BARX2: variants seen among roughly 807,000 people sequenced by gnomAD.
BARX2 encodes the protein homeobox protein BarH-like 2.
In BARX2, 11 loss-of-function variants were observed where a neutral mutation model predicts 25.5. The ratio of observed to expected loss-of-function variants is 0.43; its 90% CI spans 0.27 to 0.71. BARX2 has a LOEUF of 0.71. BARX2 is among the 30% of genes least tolerant of loss of function. BARX2 has a pLI of 0.19. For synonymous variants in BARX2, 137 were observed against 149.5 expected, an observed-to-expected ratio of 0.92 and a Z score of 0.61; for missense variants, 360 against 359.9, an observed-to-expected ratio of 1.00 and a Z score of 0.00.
At chr11:129,419,882 G>A (rs1056161927) in intron 1 of BARX2, among the ~76,000 whole-genome samples, 3 of 152,070 alleles carry the variant, frequency 2.0e-5, no homozygotes, top group African/African-American at 7.2e-5. Flanking sequence ...CCGGGTTCAA[G>A]CGATTCTCAT....
intron 1 of BARX2, among the ~76,000 whole-genome samples, chr11:129,428,993 T>A (rs557890621): frequency 2.0e-5 from 3 of 147,250 alleles, no homozygotes; most frequent in Non-Finnish European, 4.4e-5. Context: ...TCACTATTAT[T>A]TATTAGAAGT....
chr11:129,450,701 A>C (rs1212428759), intron 3 of BARX2, among the ~76,000 whole-genome samples: 1 of 152,204 alleles, frequency 6.6e-6, no homozygotes, highest in African/African-American at 2.4e-5. Flanking sequence ...AGCCATGCAC[A>C]TTTTAAGGCT....
chr11:129,392,337 C>T (rs572407450), intron 1 of BARX2, among the ~76,000 whole-genome samples: 24 of 152,286 alleles, frequency 1.6e-4, no homozygotes, highest in African/African-American at 5.8e-4. Context: ...GCTGAAGAAC[C>T]CTTGAGATCT....
intron 3 of BARX2, 118 bp from the exon 4 acceptor site, chr11:129,451,018 C>G: frequency 7.5e-7 from 1 of 1,328,936 alleles, no homozygotes; most frequent in Non-Finnish European, 1.0e-6. Context: ...TTTGCCAAAT[C>G]CTGCAATTTC....
chr11:129,379,465 A>G lies in BARX2; in HGVS notation c.187+3243A>G, dbSNP rs550732569. Among the ~76,000 whole-genome samples, 90 of 152,286 alleles carry G rather than the reference A, an allele frequency of 5.9e-4. 2 individuals carry two copies. The South Asian group carries it at 0.016, about 27-fold the overall frequency. ...TGACCGTCATTACAAAGGCCAAAAG[A>G]GAGGTGCATTTTAGGATATCATAAA... On this transcript the variant is annotated intron_variant, in intron 1 of 3. Coordinates refer to ENST00000281437, the MANE Select transcript of BARX2 (RefSeq NM_003658.5).
In BARX2 at chr11:129,439,834, A is replaced by G. The variant is rs377667419; in HGVS notation, c.488+2783A>G. ...CCCAGTGGAGTGGGCACCTTTGTCTATGGTAGCACGGTGGTATGTCAGACG... is the reference window on the plus strand; with the variant it reads ...CCCAGTGGAGTGGGCACCTTTGTCTGTGGTAGCACGGTGGTATGTCAGACG... On this transcript the variant is annotated intron_variant, in intron 2 of 3. Transcript: ENST00000281437. Among the ~76,000 whole-genome samples, 26 of 152,280 alleles carry G rather than the reference A, an allele frequency of 1.7e-4. No homozygotes were observed. The East Asian group carries it at 2.5e-3, about 15-fold the overall frequency.
At chr11:129,398,702 C>T (rs769782247) in intron 1 of BARX2, among the ~76,000 whole-genome samples, 1 of 152,186 alleles carries the variant, frequency 6.6e-6, no homozygotes, top group African/African-American at 2.4e-5. Flanking sequence ...TCTGGTTCAT[C>T]CATCATTTGG....
intron 1 of BARX2, among the ~76,000 whole-genome samples, chr11:129,393,284 C>A (rs1215025515): frequency 1.3e-5 from 2 of 152,078 alleles, no homozygotes; most frequent in Admixed American, 6.6e-5. Flanking sequence ...CAAATCCGGT[C>A]CTGATCACCC....
intron 1 of BARX2, among the ~76,000 whole-genome samples, chr11:129,383,004 C>A (rs1413301398): frequency 6.6e-6 from 1 of 152,186 alleles, no homozygotes; most frequent in Non-Finnish European, 1.5e-5. Flanking sequence ...ACGGTAGTTT[C>A]TTTCCACAGC....
At chr11:129,416,430 T>C (rs1237234191) in intron 1 of BARX2, among the ~76,000 whole-genome samples, 1 of 152,216 alleles carries the variant, frequency 6.6e-6, no homozygotes, top group African/African-American at 2.4e-5. Context: ...ACAGAAACTT[T>C]CCCAGAAATT....
At chr11:129,433,346 C>T (rs1168455113) in intron 1 of BARX2, among the ~76,000 whole-genome samples, 10 of 152,216 alleles carry the variant, frequency 6.6e-5, no homozygotes, top group Admixed American at 5.2e-4. Context: ...GGCCTCCTCA[C>T]TGGTTTCTCT....
rs550140937 is a variant in BARX2, at chr11:129,441,070, G to A, written c.489-1765G>A. 8.9e-4 allele frequency among the ~76,000 whole-genome samples: 136 copies of A among 152,332 alleles called. 1 individual carries two copies. The highest frequency in any genetic ancestry group is 1.4e-3 in the Non-Finnish European group (96 of 68,032). On this transcript the variant is annotated intron_variant, in intron 2 of 3. Transcript: ENST00000281437. ...CAGTTGGTGCTGAGGTAGACCTGGG[G>A]TTCTTATCCTATTAGGTCAATGGTT...
intron 1 of BARX2, among the ~76,000 whole-genome samples, chr11:129,418,903 T>C (rs1196834860): frequency 6.6e-6 from 1 of 152,254 alleles, no homozygotes; most frequent in Non-Finnish European, 1.5e-5. Flanking sequence ...TCATTCAATG[T>C]TGTTTCATTA....
At chr11:129,432,836 TG>T (rs1175715307) in intron 1 of BARX2, among the ~76,000 whole-genome samples, 5 of 152,216 alleles carry the variant, frequency 3.3e-5, no homozygotes, top group African/African-American at 9.7e-5. Flanking sequence ...CATCTAGATT[TG>T]GGGATGCCAA....
chr11:129,436,533 C>T lies in BARX2; in HGVS notation c.188-218C>T, dbSNP rs1047607004. 16 of 450,874 alleles carry T rather than the reference C, an allele frequency of 3.5e-5. 1 individual carries two copies. The South Asian group carries it at 5.6e-4, about 16-fold the overall frequency. 27.9% of individuals were successfully genotyped at this position (450,874 alleles called of 1,614,324 possible). A position where few individuals can be genotyped will look rare whatever the true frequency, so the allele number is the denominator to read the frequency against. On this transcript the variant is annotated intron_variant, in intron 1 of 3. Coordinates refer to ENST00000281437, the MANE Select transcript of BARX2 (RefSeq NM_003658.5). This position sits in a 1 kb window ranked among gnomAD's most constrained non-coding sequence, Gnocchi z 4.5. ...GGACTTGCAGGAACCTCTTCTGGGC[C>T]GTGGGCTTCATCTTCCCACACAGAG...
chr11:129,382,704 G>C (rs4482037), intron 1 of BARX2, among the ~76,000 whole-genome samples: 71,955 of 151,998 alleles, frequency 0.47, 17,209 homozygotes, highest in East Asian at 0.57. Flanking sequence ...TGGGGATGCA[G>C]TTCTGTTTTA....
At chr11:129,410,704 G>A (rs1319809616) in intron 1 of BARX2, among the ~76,000 whole-genome samples, 1 of 152,188 alleles carries the variant, frequency 6.6e-6, no homozygotes, top group Non-Finnish European at 1.5e-5. Context: ...TGGCCATTTG[G>A]TTTCACTGGA....
At chr11:129,397,588 TA>T (rs34684439) in intron 1 of BARX2, among the ~76,000 whole-genome samples, 16 of 152,300 alleles carry the variant, frequency 1.1e-4, no homozygotes, top group African/African-American at 3.8e-4. Flanking sequence ...TAGAGTTCGT[TA>T]AAAAAATATT....
At chr11:129,412,271 C>CAA (rs112111155) in intron 1 of BARX2, among the ~76,000 whole-genome samples, 6,568 of 116,156 alleles carry the variant, frequency 0.057, 312 homozygotes, top group East Asian at 0.17. Context: ...GAATCCATCT[C>CAA]AAAAAAAAAA....
Sources: gnomAD v4.1 joint callset for allele counts (sites outside exome capture counted in the v4.1 genomes callset) on GRCh38, gnomAD v4.1.1 for gene constraint, Gnocchi (gnomAD v3.1) non-coding constraint, MANE v1.5 for transcripts, NCBI Gene and HGNC (gene_info 2026-07-23, HGNC 2026-07-21) for gene names.